Variants in PLXNA4 observed in about 807,000 individuals in gnomAD.
PLXNA4 encodes plexin-A4.
PLXNA4 carries 44 observed loss-of-function variants against 191.8 expected under a neutral mutation model. That is an observed-to-expected ratio of 0.23 (90% CI 0.18 to 0.29). The LOEUF (loss-of-function observed/expected upper bound fraction) is 0.29, where lower values mean the gene tolerates loss of function less well. Ranked by LOEUF, PLXNA4 falls within the 10% of genes least tolerant of loss-of-function variation. The pLI is 1.00. For synonymous variants in PLXNA4, 1,082 were observed against 1,009.5 expected, an observed-to-expected ratio of 1.07 and a Z score of -1.36; for missense variants, 1,800 against 2,488.8, an observed-to-expected ratio of 0.72 and a Z score of 5.89.
At chr7:132,509,290 C>A (rs1209351763) in intron 1 of PLXNA4, among the ~76,000 whole-genome samples, 1 of 152,190 alleles carries the variant, frequency 6.6e-6, no homozygotes, top group Non-Finnish European at 1.5e-5. Flanking sequence ...GCTCTGTGAA[C>A]CACCTCCTGC....
chr7:132,422,892 A>C (rs77483662), intron 3 of PLXNA4, among the ~76,000 whole-genome samples: 2,192 of 152,268 alleles, frequency 0.014, 52 homozygotes, highest in African/African-American at 0.05. Context: ...CTGGCCTAGC[A>C]CCTCGGGAAA....
chr7:132,301,119 C>T (rs10954372), intron 3 of PLXNA4, among the ~76,000 whole-genome samples: 76,680 of 151,988 alleles, frequency 0.5, 20,522 homozygotes, highest in African/African-American at 0.66. Context: ...ACTCTGCCAG[C>T]GAGAAATATG....
chr7:132,311,694 C>A (rs559385927), intron 3 of PLXNA4, among the ~76,000 whole-genome samples: 1 of 152,300 alleles, frequency 6.6e-6, no homozygotes, highest in South Asian at 2.1e-4. Context: ...CCAGCACAGA[C>A]ACTGCCCACA....
At chr7:132,308,139 G>T (rs747146973) in intron 3 of PLXNA4, among the ~76,000 whole-genome samples, 2 of 152,096 alleles carry the variant, frequency 1.3e-5, no homozygotes, top group African/African-American at 4.8e-5. Context: ...AAGAAGGGAA[G>T]TCAATAGGGC....
intron 2 of PLXNA4, among the ~76,000 whole-genome samples, chr7:132,629,943 G>A (rs578243152): frequency 1.7e-4 from 26 of 151,926 alleles, no homozygotes; most frequent in Non-Finnish European, 3.1e-4. Flanking sequence ...TCCACCTCCC[G>A]AGTTCATGCC....
chr7:132,174,994 G>A lies in PLXNA4; in HGVS notation c.3875-74C>T, dbSNP rs1038237461. ...AGTCACCTCCATCTCAGAATGCTCA[G>A]AACCCTTACCCAAGCCCCTAGGAGA... On this transcript the variant is annotated intron_variant, in intron 20 of 31. Transcript: ENST00000321063. 3 of 1,588,666 alleles carry A rather than the reference G, an allele frequency of 1.9e-6. No individual in the cohort carries two copies. In the African/African-American group the frequency reaches 4.0e-5, roughly 21 times the overall value.
chr7:132,354,795 C>G (rs1422591903), intron 3 of PLXNA4, among the ~76,000 whole-genome samples: 1 of 152,236 alleles, frequency 6.6e-6, no homozygotes, highest in African/African-American at 2.4e-5. Flanking sequence ...GGAAGTTTCA[C>G]AAGGGCCCTT....
intron 2 of PLXNA4, among the ~76,000 whole-genome samples, chr7:132,599,849 G>C (rs982553234): frequency 1.8e-4 from 27 of 151,936 alleles, no homozygotes; most frequent in African/African-American, 6.3e-4. Context: ...ACCAGTTTAA[G>C]GAATTTCCAT....
At chr7:132,457,158 C>T (rs774010793) in intron 3 of PLXNA4, among the ~76,000 whole-genome samples, 5 of 152,324 alleles carry the variant, frequency 3.3e-5, no homozygotes, top group African/African-American at 9.6e-5. Flanking sequence ...TAACATGTTA[C>T]GTGTAACCAT....
At chr7:132,292,866 AG>A (rs1800943263) in intron 4 of PLXNA4, among the ~76,000 whole-genome samples, 1 of 152,204 alleles carries the variant, frequency 6.6e-6, no homozygotes. Context: ...GGCCTCTCTG[AG>A]GACACGATAT....
chr7:132,314,456 A>G (rs1801865373), intron 3 of PLXNA4, among the ~76,000 whole-genome samples: 1 of 152,154 alleles, frequency 6.6e-6, no homozygotes, highest in East Asian at 1.9e-4. Flanking sequence ...CCTCATGCCA[A>G]TGCCCATGAC....
intron 3 of PLXNA4, among the ~76,000 whole-genome samples, chr7:132,428,718 G>T (rs1189232415): frequency 2.0e-5 from 3 of 152,090 alleles, no homozygotes; most frequent in Non-Finnish European, 4.4e-5. Flanking sequence ...CCAAGCTCTG[G>T]CCAGCCTCCA....
At chr7:132,554,373 C>T (rs758904777) in intron 1 of PLXNA4, among the ~76,000 whole-genome samples, 4 of 152,142 alleles carry the variant, frequency 2.6e-5, no homozygotes, top group African/African-American at 7.2e-5. Context: ...AGACCAGAGC[C>T]GGACTCTCTG....
chr7:132,255,397 C>T (rs982745361), intron 4 of PLXNA4, among the ~76,000 whole-genome samples: 4 of 152,186 alleles, frequency 2.6e-5, no homozygotes, highest in African/African-American at 9.7e-5. Flanking sequence ...CAACACAGTC[C>T]TAGACCATCC....
At chr7:132,293,323 T>C (rs888586963) in intron 4 of PLXNA4, among the ~76,000 whole-genome samples, 1 of 152,174 alleles carries the variant, frequency 6.6e-6, no homozygotes, top group Non-Finnish European at 1.5e-5. Context: ...CAGAGTTTCA[T>C]GTGGCTGGGG....
At chr7:132,346,810 T>A (rs141818787) in intron 3 of PLXNA4, among the ~76,000 whole-genome samples, 27 of 152,312 alleles carry the variant, frequency 1.8e-4, no homozygotes, top group African/African-American at 6.3e-4. Flanking sequence ...GAGTCCAGGC[T>A]CCTAGAGAAA....
chr7:132,540,925 T>A (rs755639259), intron 1 of PLXNA4, among the ~76,000 whole-genome samples: 9 of 152,106 alleles, frequency 5.9e-5, no homozygotes, highest in Non-Finnish European at 1.2e-4. Flanking sequence ...TTATTATTTG[T>A]TACTCAGAAA....
chr7:132,226,048 C>T (rs1798311904), intron 8 of PLXNA4, 113 bp downstream of exon 8: 9 of 950,086 alleles, frequency 9.5e-6, no homozygotes, highest in Non-Finnish European at 1.4e-5. Flanking sequence ...GTGAAGGAGG[C>T]CTCCTCTGGG....
chr7:132,218,508 G>GA (rs1398018790), intron 9 of PLXNA4, among the ~76,000 whole-genome samples: 1 of 152,178 alleles, frequency 6.6e-6, no homozygotes, highest in African/African-American at 2.4e-5. Context: ...GTTTAGATGA[G>GA]AAAAAACAGC....
Sources: allele counts gnomAD v4.1 joint callset (sites outside exome capture counted in the v4.1 genomes callset), GRCh38; gene constraint gnomAD v4.1.1; transcripts MANE v1.5; gene names NCBI Gene and HGNC (gene_info 2026-07-23, HGNC 2026-07-21).